RAB3C: variants seen among roughly 807,000 people sequenced by gnomAD.
The protein encoded by RAB3C is ras-related protein Rab-3C.
Under a neutral mutation model 26.4 loss-of-function variants are expected in RAB3C, and 17 were observed. The ratio of observed to expected loss-of-function variants is 0.64; its 90% CI spans 0.44 to 0.97. RAB3C has a LOEUF of 0.97. Among genes scored for constraint, RAB3C ranks in the 50% least tolerant of loss-of-function variants. The pLI, the probability that RAB3C is intolerant of heterozygous loss-of-function variation, is 0.00. For missense variants in RAB3C, 242 were observed against 281.9 expected (o/e 0.86, Z 1.01); for synonymous variants, 91 against 95.9 (o/e 0.95, Z 0.30).
chr5:58,627,450 C>T (rs1202603608), intron 2 of RAB3C, among the ~76,000 whole-genome samples: 3 of 72,270 alleles, frequency 4.2e-5, no homozygotes, highest in South Asian at 5.1e-4. Flanking sequence ...CCGGCCTGGG[C>T]GACAGAGCGA....
intron 2 of RAB3C, among the ~76,000 whole-genome samples, chr5:58,714,485 T>C (rs572227996): frequency 6.6e-6 from 1 of 152,004 alleles, no homozygotes; most frequent in South Asian, 2.1e-4. Context: ...TTCAAAAACA[T>C]GAAAGGAGGA....
intron 3 of RAB3C, among the ~76,000 whole-genome samples, chr5:58,744,634 T>C (rs1377781021): frequency 2.6e-5 from 4 of 152,242 alleles, no homozygotes; most frequent in Admixed American, 6.5e-5. Context: ...TTCTGAACTT[T>C]GAAAGCTTCT....
intron 2 of RAB3C, among the ~76,000 whole-genome samples, chr5:58,714,296 CAACT>C (rs1190897276): frequency 2.6e-5 from 4 of 151,950 alleles, no homozygotes; most frequent in Non-Finnish European, 5.9e-5. Context: ...TCAATGGTAT[CAACT>C]AAAGCCTGAA....
intron 2 of RAB3C, among the ~76,000 whole-genome samples, chr5:58,682,545 G>A (rs888734694): frequency 3.9e-5 from 6 of 151,986 alleles, no homozygotes; most frequent in East Asian, 1.9e-4. Context: ...TTAGCCGGGC[G>A]TGGTGGCGGG....
intron 2 of RAB3C, among the ~76,000 whole-genome samples, chr5:58,669,734 T>A (rs906042823): frequency 3.9e-5 from 6 of 152,180 alleles, no homozygotes; most frequent in Admixed American, 3.9e-4. Context: ...GTTAAAAGGA[T>A]CAAATGAATG....
In RAB3C at chr5:58,617,800, G is replaced by T. The variant is rs758549570; in HGVS notation, c.182G>T (p.Ser61Ile). The change falls in exon 2 of 5, where the codon AGC becomes ATC. Residue 61 changes from serine to isoleucine, a missense_variant. Coordinates refer to ENST00000282878, the MANE Select transcript of RAB3C (RefSeq NM_138453.4). ...ADDSFTSAFV[S>I]TVGIDFKVKT... The stretch of plus-strand genomic sequence containing the variant: ...GACTCCTTTACATCTGCATTCGTCA[G>T]CACAGTTGGGATCGATTTCAAAGTA... 14 of 1,613,594 alleles carry T rather than the reference G, an allele frequency of 8.7e-6. No homozygotes were observed. Among genetic ancestry groups the T allele is most frequent in the Non-Finnish European group, 1.2e-5 (14 of 1,179,688 alleles).
At chr5:58,654,848 C>T (rs1023289051) in intron 2 of RAB3C, among the ~76,000 whole-genome samples, 6 of 152,154 alleles carry the variant, frequency 3.9e-5, no homozygotes, top group South Asian at 2.1e-4. Context: ...GTGCCTATTA[C>T]GTCCCAGGCA....
intron 4 of RAB3C, among the ~76,000 whole-genome samples, chr5:58,826,010 G>C (rs976175068): frequency 2.0e-5 from 3 of 152,100 alleles, no homozygotes; most frequent in Non-Finnish European, 4.4e-5. Flanking sequence ...AGAAATACAA[G>C]TCAACAAAAA....
chr5:58,832,085 A>G (rs969354416), intron 4 of RAB3C, among the ~76,000 whole-genome samples: 2 of 152,168 alleles, frequency 1.3e-5, no homozygotes, highest in African/African-American at 4.8e-5. Flanking sequence ...AATTGGTTCC[A>G]CCCTTCATGG....
intron 2 of RAB3C, among the ~76,000 whole-genome samples, chr5:58,715,363 AT>A (rs1315042053): frequency 6.6e-6 from 1 of 151,670 alleles, no homozygotes; most frequent in East Asian, 1.9e-4. Context: ...ATCTTAGGTG[AT>A]TTTTTTTCTT....
intron 2 of RAB3C, among the ~76,000 whole-genome samples, chr5:58,716,013 A>C (rs2111904285): frequency 6.7e-6 from 1 of 150,306 alleles, no homozygotes; most frequent in East Asian, 2.0e-4. Context: ...CATGTACCCT[A>C]TAACTTAAAG....
chr5:58,599,835 C>CA (rs1379178047), intron 1 of RAB3C, among the ~76,000 whole-genome samples: 1 of 152,072 alleles, frequency 6.6e-6, no homozygotes, highest in African/African-American at 2.4e-5. Context: ...TTTTGATGTG[C>CA]AAAAGCTCTT....
chr5:58,584,173 A>T (rs181537482), intron 1 of RAB3C, among the ~76,000 whole-genome samples: 1 of 152,332 alleles, frequency 6.6e-6, no homozygotes, highest in African/African-American at 2.4e-5. Flanking sequence ...TCTGCTGCCA[A>T]ACCCAAGAGT....
chr5:58,624,024 G>A (rs1442624012), intron 2 of RAB3C, among the ~76,000 whole-genome samples: 2 of 152,146 alleles, frequency 1.3e-5, no homozygotes, highest in Non-Finnish European at 2.9e-5. Context: ...CACAAACCAG[G>A]CACTCACAAA....
At chr5:58,718,385 G>C (rs1749217909) in intron 2 of RAB3C, among the ~76,000 whole-genome samples, 2 of 152,128 alleles carry the variant, frequency 1.3e-5, no homozygotes, top group South Asian at 4.1e-4. Context: ...GCAGAAACAT[G>C]CAATTGTTAG....
intron 2 of RAB3C, among the ~76,000 whole-genome samples, chr5:58,657,168 T>G (rs927373252): frequency 5.9e-5 from 9 of 152,076 alleles, no homozygotes; most frequent in African/African-American, 2.2e-4. Context: ...CTCACTGATA[T>G]GTGTGAGCTA....
At chr5:58,743,924 T>C (rs1021397154) in intron 3 of RAB3C, among the ~76,000 whole-genome samples, 5 of 152,236 alleles carry the variant, frequency 3.3e-5, no homozygotes, top group African/African-American at 1.2e-4. Context: ...TAACCTTTCA[T>C]ATAGCTGTAT....
chr5:58,632,518 G>C (rs985920475), intron 2 of RAB3C, among the ~76,000 whole-genome samples: 1 of 152,204 alleles, frequency 6.6e-6, no homozygotes. Context: ...GCTGAAGGGA[G>C]GTCTACTTCA....
chr5:58,639,815 A>T (rs1377318366), intron 2 of RAB3C, among the ~76,000 whole-genome samples: 4 of 152,158 alleles, frequency 2.6e-5, no homozygotes, highest in African/African-American at 4.8e-5. Context: ...CTCAAATTCA[A>T]ATAGTGTCTT....
Sources: allele counts gnomAD v4.1 joint callset (sites outside exome capture counted in the v4.1 genomes callset), GRCh38; gene constraint gnomAD v4.1.1; transcripts MANE v1.5; gene names NCBI Gene and HGNC (gene_info 2026-07-23, HGNC 2026-07-21).